The following ASPH variants were observed in gnomAD, a reference collection of about 807,000 sequenced individuals.
ASPH encodes aspartate beta-hydroxylase.
A neutral mutation model predicts 118.4 loss-of-function variants in ASPH; 100 were observed. The ratio of observed to expected loss-of-function variants is 0.84; its 90% CI spans 0.72 to 1.00. ASPH has a LOEUF of 1.00. Ranked by LOEUF, ASPH falls within the 50% of genes least tolerant of loss-of-function variation. The pLI, the probability that ASPH is intolerant of heterozygous loss-of-function variation, is 0.00. For missense variants in ASPH, 920 were observed against 919.5 expected, an observed-to-expected ratio of 1.00 and a Z score of -0.01; for synonymous variants, 315 against 325.6, an observed-to-expected ratio of 0.97 and a Z score of 0.35.
At chr8:61,581,977 C>A (rs1401967948) in intron 15 of ASPH, among the ~76,000 whole-genome samples, 1 of 152,108 alleles carries the variant, frequency 6.6e-6, no homozygotes, top group Non-Finnish European at 1.5e-5. Flanking sequence ...AGTCCTTGAG[C>A]CTAAGGCATG....
chr8:61,664,794 CCACGAAA>C, intron 3 of ASPH: 1 of 986,970 alleles, frequency 1.0e-6, no homozygotes, highest in Non-Finnish European at 1.2e-6. Context: ...GGGGAGGTGT[CCACGAAA>C]GAGAAAAACA....
At chr8:61,521,056 A>G (rs1309321255) in intron 22 of ASPH, among the ~76,000 whole-genome samples, 1 of 152,190 alleles carries the variant, frequency 6.6e-6, no homozygotes, top group Non-Finnish European at 1.5e-5. Context: ...GGTCCAAGGA[A>G]TGCAACGGCA....
At chr8:61,584,947 C>T (rs1838887557) in intron 14 of ASPH, among the ~76,000 whole-genome samples, 2 of 152,228 alleles carry the variant, frequency 1.3e-5, no homozygotes, top group Non-Finnish European at 1.5e-5. Flanking sequence ...CCACACAGTA[C>T]TCAGTTCCCT....
At chr8:61,600,304 CTCT>C (rs1843609501) in intron 14 of ASPH, among the ~76,000 whole-genome samples, 23 of 151,634 alleles carry the variant, frequency 1.5e-4, no homozygotes, top group African/African-American at 5.6e-4. Context: ...AAAGCCTTTC[CTCT>C]AAGAACTGAA....
chr8:61,693,191 T>C (rs1273930177), intron 1 of ASPH, among the ~76,000 whole-genome samples: 1 of 152,160 alleles, frequency 6.6e-6, no homozygotes, highest in Non-Finnish European at 1.5e-5. Context: ...TGCTTTTTGC[T>C]TCATTTCTTC....
intron 1 of ASPH, among the ~76,000 whole-genome samples, chr8:61,703,014 G>A (rs576660019): frequency 3.3e-5 from 5 of 152,174 alleles, no homozygotes; most frequent in East Asian, 1.9e-4. Context: ...AAACACAGAC[G>A]CAAAATTGCT....
intron 13 of ASPH, chr8:61,628,294 G>C (rs558805916): frequency 5.6e-5 from 19 of 342,122 alleles, no homozygotes; most frequent in African/African-American, 4.3e-4. Context: ...TGAGTAGCTA[G>C]GACTACAGGC....
chr8:61,602,528 C>T (rs1289609177), intron 14 of ASPH, among the ~76,000 whole-genome samples: 1 of 151,466 alleles, frequency 6.6e-6, no homozygotes, highest in East Asian at 1.9e-4. Context: ...CCCTCTCCTG[C>T]CCCCAAGATC....
chr8:61,529,271 G>A (rs201426291), intron 21 of ASPH, among the ~76,000 whole-genome samples: 1 of 152,158 alleles, frequency 6.6e-6, no homozygotes, highest in East Asian at 1.9e-4. Context: ...GCAATTGCGA[G>A]GTACCCCAGC....
chr8:61,647,102 T>C (rs1212908072), intron 5 of ASPH, among the ~76,000 whole-genome samples: 1 of 152,208 alleles, frequency 6.6e-6, no homozygotes, highest in Non-Finnish European at 1.5e-5. Flanking sequence ...ATTAGGATGT[T>C]ACACATCAGG....
At chr8:61,531,048 C>T (rs963063918) in intron 21 of ASPH, among the ~76,000 whole-genome samples, 1 of 152,166 alleles carries the variant, frequency 6.6e-6, no homozygotes, top group African/African-American at 2.4e-5. Context: ...AGGTATCATT[C>T]ATACTTGAGT....
intron 15 of ASPH, among the ~76,000 whole-genome samples, chr8:61,580,561 A>G (rs1353356542): frequency 6.6e-6 from 1 of 152,252 alleles, no homozygotes; most frequent in Non-Finnish European, 1.5e-5. Flanking sequence ...TTTGCAGAAC[A>G]GATTTCCAGA....
intron 21 of ASPH, among the ~76,000 whole-genome samples, chr8:61,530,494 C>A (rs1430875075): frequency 1.3e-5 from 2 of 152,210 alleles, no homozygotes; most frequent in Admixed American, 6.5e-5. Context: ...GAATCCCAGA[C>A]CTGCATCCAG....
intron 15 of ASPH, chr8:61,579,139 T>C (rs1312696199): frequency 6.2e-7 from 1 of 1,611,520 alleles, no homozygotes; most frequent in Non-Finnish European, 8.5e-7. Context: ...AAGACTGAGA[T>C]CTCTGAGATG....
chr8:61,660,979 G>T (rs1003170090), intron 3 of ASPH: 16 of 152,190 alleles, frequency 1.1e-4, no homozygotes, highest in Admixed American at 1.0e-3. Flanking sequence ...TAGGCTTCTC[G>T]ATTGTACCAT....
chr8:61,689,781 T>C, intron 1 of ASPH: 1 of 1,505,716 alleles, frequency 6.6e-7, no homozygotes, highest in South Asian at 1.3e-5. Flanking sequence ...TTAGGCACAC[T>C]GCATGCACTT....
chr8:61,645,540 A>G (rs907896410), intron 6 of ASPH, among the ~76,000 whole-genome samples: 44 of 152,370 alleles, frequency 2.9e-4, no homozygotes, highest in African/African-American at 1.0e-3. Flanking sequence ...CTTGTCCCAA[A>G]GAAATCATGA....
intron 14 of ASPH, among the ~76,000 whole-genome samples, chr8:61,612,493 C>A (rs1452576993): frequency 1.3e-5 from 2 of 151,940 alleles, no homozygotes; most frequent in Admixed American, 1.3e-4. Context: ...CCCACCTCAG[C>A]CTCCCAAGTA....
intron 15 of ASPH, 22 bp from the exon 16 acceptor site, chr8:61,576,880 A>G (rs757711762): frequency 1.1e-5 from 17 of 1,539,554 alleles, no homozygotes; most frequent in Non-Finnish European, 1.4e-5. Flanking sequence ...ACAAAATTAC[A>G]TAAATAAAAT....
Sources: gnomAD v4.1 joint callset for allele counts (sites outside exome capture counted in the v4.1 genomes callset) on GRCh38, gnomAD v4.1.1 for gene constraint, MANE v1.5 for transcripts, NCBI Gene and HGNC (gene_info 2026-07-23, HGNC 2026-07-21) for gene names.